Variants in KIRREL1 observed in about 807,000 individuals in gnomAD.
KIRREL1 encodes kirre like nephrin family adhesion molecule 1, also known as kin of IRRE-like protein 1.
In KIRREL1, 25 loss-of-function variants were observed where a neutral mutation model predicts 83.3. The ratio of observed to expected loss-of-function variants is 0.30; its 90% CI spans 0.22 to 0.42. KIRREL1 has a LOEUF of 0.42. Among genes scored for constraint, KIRREL1 ranks in the 10% least tolerant of loss-of-function variants. KIRREL1 has a pLI of 1.00. For synonymous variants in KIRREL1, 388 were observed against 410.4 expected, an observed-to-expected ratio of 0.95 and a Z score of 0.66; for missense variants, 812 against 1,032.3, an observed-to-expected ratio of 0.79 and a Z score of 2.92.
intron 1 of KIRREL1, among the ~76,000 whole-genome samples, chr1:158,027,587 C>A (rs1403032687): frequency 6.6e-6 from 1 of 152,200 alleles, no homozygotes; most frequent in Admixed American, 6.5e-5. Flanking sequence ...CCAGTCAATT[C>A]ATTAGCATAC....
intron 1 of KIRREL1, among the ~76,000 whole-genome samples, chr1:158,028,453 C>G (rs1660231718): frequency 6.6e-6 from 1 of 152,082 alleles, no homozygotes; most frequent in Non-Finnish European, 1.5e-5. Flanking sequence ...TAGTTGTTCC[C>G]AAAGCTGGAT....
At chr1:158,027,593 C>G (rs1282515564) in intron 1 of KIRREL1, among the ~76,000 whole-genome samples, 2 of 152,220 alleles carry the variant, frequency 1.3e-5, no homozygotes, top group African/African-American at 2.4e-5. Context: ...AATTCATTAG[C>G]ATACAGAAAG....
At chr1:158,043,124 C>T (rs1179160583) in intron 1 of KIRREL1, among the ~76,000 whole-genome samples, 1 of 150,518 alleles carries the variant, frequency 6.6e-6, no homozygotes, top group Admixed American at 6.6e-5. Flanking sequence ...TGCCCTTCAT[C>T]ATGAGGGTGG....
intron 1 of KIRREL1, among the ~76,000 whole-genome samples, chr1:158,008,351 A>C (rs530432822): frequency 6.6e-6 from 1 of 152,268 alleles, no homozygotes; most frequent in Admixed American, 6.5e-5. Flanking sequence ...GGGAGGCCTC[A>C]CCTGGTCCAC....
At chr1:158,085,313 A>T (rs540319643) in intron 4 of KIRREL1, among the ~76,000 whole-genome samples, 3 of 152,270 alleles carry the variant, frequency 2.0e-5, no homozygotes, top group South Asian at 4.1e-4. Context: ...CAGTGTGGAG[A>T]CAGAGATGTT....
At position 158,066,791 on chromosome 1, in the gene KIRREL1, T is replaced by C. The variant is rs561050491; in HGVS notation, c.53-9322T>C. On this transcript the variant is annotated intron_variant, in intron 1 of 14. Transcript: ENST00000359209. ...TCTCGCCTCCTTCCCGCTCTGTCTTTTGCTCTCCTTCCTCTTAGCCTCCTA... is the reference window on the plus strand; with the variant it reads ...TCTCGCCTCCTTCCCGCTCTGTCTTCTGCTCTCCTTCCTCTTAGCCTCCTA... Among the ~76,000 whole-genome samples, 4 of 152,322 alleles carry C rather than the reference T, an allele frequency of 2.6e-5. No individual in the cohort carries two copies. The East Asian group carries it at 5.8e-4, about 22-fold the overall frequency.
chr1:158,056,118 C>A (rs1362003564), intron 1 of KIRREL1, among the ~76,000 whole-genome samples: 1 of 152,194 alleles, frequency 6.6e-6, no homozygotes, highest in Non-Finnish European at 1.5e-5. Context: ...CACTCCTCGC[C>A]CCCCCTCATC....
At chr1:158,046,206 A>T (rs1925033) in intron 1 of KIRREL1, among the ~76,000 whole-genome samples, 120,108 of 152,150 alleles carry the variant, frequency 0.79, 48,409 homozygotes, top group East Asian at 0.99. Context: ...AGTCCACAAA[A>T]AGTGGTCCAT....
chr1:158,073,371 T>C (rs1661574751), intron 1 of KIRREL1, among the ~76,000 whole-genome samples: 1 of 152,164 alleles, frequency 6.6e-6, no homozygotes, highest in South Asian at 2.1e-4. Context: ...TTTCCAGTTG[T>C]CCCTCTAATT....
At chr1:158,026,564 G>C (rs1299244701) in intron 1 of KIRREL1, among the ~76,000 whole-genome samples, 1 of 152,158 alleles carries the variant, frequency 6.6e-6, no homozygotes, top group African/African-American at 2.4e-5. Flanking sequence ...TCACTTACTA[G>C]GTCTTGGGCA....
At chr1:158,007,015 G>A (rs140132489) in intron 1 of KIRREL1, among the ~76,000 whole-genome samples, 10 of 152,304 alleles carry the variant, frequency 6.6e-5, no homozygotes, top group African/African-American at 2.2e-4. Context: ...GTGGGATGGG[G>A]TGCCTGCCTT....
chr1:158,018,240 G>A (rs1483368928), intron 1 of KIRREL1, among the ~76,000 whole-genome samples: 1 of 152,194 alleles, frequency 6.6e-6, no homozygotes, highest in Non-Finnish European at 1.5e-5. Flanking sequence ...TGACTGCAAA[G>A]AAGCCCTAGG....
intron 1 of KIRREL1, among the ~76,000 whole-genome samples, chr1:158,061,176 G>A (rs549633005): frequency 1.5e-4 from 23 of 152,140 alleles, no homozygotes; most frequent in African/African-American, 3.9e-4. Context: ...AAGGCTGCTC[G>A]TTGGAATGCA....
chr1:158,083,249 G>A (rs531941170), intron 3 of KIRREL1, among the ~76,000 whole-genome samples: 49 of 152,202 alleles, frequency 3.2e-4, no homozygotes, highest in Non-Finnish European at 6.8e-4. Flanking sequence ...TAGTGAGACA[G>A]GGTTGCTGTT....
chr1:158,013,610 C>A (rs1430162540), intron 1 of KIRREL1, among the ~76,000 whole-genome samples: 1 of 152,206 alleles, frequency 6.6e-6, no homozygotes, highest in Non-Finnish European at 1.5e-5. Context: ...TTGAATGTTA[C>A]AAATGAAAAC....
At chr1:158,010,160 T>C (rs577055764) in intron 1 of KIRREL1, among the ~76,000 whole-genome samples, 15 of 152,152 alleles carry the variant, frequency 9.9e-5, no homozygotes, top group African/African-American at 2.7e-4. Flanking sequence ...CCTGGATCTC[T>C]CTGATTTGGT....
intron 1 of KIRREL1, among the ~76,000 whole-genome samples, chr1:158,008,691 C>T (rs1659588246): frequency 1.3e-5 from 2 of 152,086 alleles, no homozygotes; most frequent in Non-Finnish European, 2.9e-5. Context: ...AGAGAAAGGG[C>T]TCACCTTTAC....
At chr1:158,082,971 C>T (rs1661907250) in intron 3 of KIRREL1, among the ~76,000 whole-genome samples, 2 of 152,158 alleles carry the variant, frequency 1.3e-5, no homozygotes, top group South Asian at 4.2e-4. Context: ...GCCTTTATTT[C>T]ATCAGTATCC....
At chr1:158,000,278 C>A (rs909314896) in intron 1 of KIRREL1, among the ~76,000 whole-genome samples, 2 of 152,364 alleles carry the variant, frequency 1.3e-5, no homozygotes, top group East Asian at 1.9e-4. Flanking sequence ...TTTACCCAAG[C>A]CTTTTCAGTC....
Sources: gnomAD v4.1 joint callset for allele counts (sites outside exome capture counted in the v4.1 genomes callset) on GRCh38, gnomAD v4.1.1 for gene constraint, MANE v1.5 for transcripts, NCBI Gene and HGNC (gene_info 2026-07-23, HGNC 2026-07-21) for gene names.